MYBPC2: variants seen among roughly 807,000 people sequenced by gnomAD.
MYBPC2 encodes myosin-binding protein C, fast-type.
Under a neutral mutation model 137.0 loss-of-function variants are expected in MYBPC2, and 122 were observed. That is an observed-to-expected ratio of 0.89 (90% CI 0.77 to 1.03). The LOEUF (loss-of-function observed/expected upper bound fraction) is 1.03. Ranked by LOEUF, MYBPC2 falls within the 50% of genes least tolerant of loss-of-function variation. MYBPC2 has a pLI of 0.00. For missense variants in MYBPC2, 1,500 were observed against 1,534.4 expected (o/e 0.98, Z 0.37); for synonymous variants, 626 against 612.3 (o/e 1.02, Z -0.33).
intron 18 of MYBPC2, 74 bp from the exon 19 acceptor site, chr19:50,455,034 G>A: frequency 7.1e-7 from 1 of 1,402,212 alleles, no homozygotes; most frequent in Non-Finnish European, 9.6e-7. Context: ...TCTGGATGTG[G>A]CCCTCACTCC....
intron 5 of MYBPC2, among the ~76,000 whole-genome samples, chr19:50,436,997 C>A (rs561767314): frequency 6.6e-6 from 1 of 152,044 alleles, no homozygotes; most frequent in South Asian, 2.1e-4. Flanking sequence ...GCACATTCCA[C>A]GTTTAAGAAA....
chr19:50,456,292 TCATC>T (rs149201099), intron 20 of MYBPC2, among the ~76,000 whole-genome samples: 24,180 of 139,024 alleles, frequency 0.17, 2,505 homozygotes, highest in Non-Finnish European at 0.24. Context: ...CACCTGTCCA[TCATC>T]CATCCATCCA....
intron 26 of MYBPC2, 26 bp downstream of exon 26, chr19:50,462,062 CGT>C (rs1568670273): frequency 6.4e-7 from 1 of 1,560,784 alleles, no homozygotes; most frequent in East Asian, 2.4e-5. Context: ...CCCAGATCTG[CGT>C]GTGTGTTGCC....
In MYBPC2 at chr19:50,444,132, G is replaced by GTCCATTCA. The variant is rs1239759672; in HGVS notation, c.1133+321_1133+322insTCATCCAT. On this transcript the variant is annotated intron_variant, in intron 11 of 27. Transcript: ENST00000357701. ...ATCCAGGTATCCACTCATCCACCCA[G>GTCCATTCA]TCCATCCATCCATCCATCCATCCAT... 4.8e-5 allele frequency among the ~76,000 whole-genome samples: 7 copies of GTCCATTCA among 144,596 alleles called. No homozygotes were observed. The Admixed American group carries it at 4.9e-4, about 10-fold the overall frequency. The allele number at this position is 144,596 out of a possible 152,430, so 94.9% of individuals were successfully genotyped here.
chr19:50,458,857 T>C (rs1186100199), intron 21 of MYBPC2, 61 bp from the exon 22 acceptor site: 20 of 1,595,042 alleles, frequency 1.3e-5, no homozygotes, highest in Middle Eastern at 1.7e-4. Flanking sequence ...CTTATCACCA[T>C]TGGCCCCTGG....
chr19:50,461,789 T>A, intron 25 of MYBPC2, 88 bp downstream of exon 25: 1 of 1,588,714 alleles, frequency 6.3e-7, no homozygotes, highest in Non-Finnish European at 8.6e-7. Context: ...CCCTCCCCAC[T>A]GGGGTTGACG....
intron 20 of MYBPC2, 31 bp from the exon 21 acceptor site, chr19:50,458,556 C>G (rs764521561): frequency 1.2e-6 from 2 of 1,604,800 alleles, no homozygotes; most frequent in Non-Finnish European, 1.7e-6. Flanking sequence ...GAGGAGGGCA[C>G]GAGATCCGCC....
chr19:50,433,648 G>C (rs532823319), intron 1 of MYBPC2, among the ~76,000 whole-genome samples: 150 of 152,214 alleles, frequency 9.9e-4, no homozygotes, highest in African/African-American at 3.4e-3. Context: ...ACCCGCCTCA[G>C]CCTCCCAAAG....
At chr19:50,447,935 G>A (rs189677195) in intron 12 of MYBPC2, among the ~76,000 whole-genome samples, 43 of 152,140 alleles carry the variant, frequency 2.8e-4, no homozygotes, top group South Asian at 1.5e-3. Context: ...CACTGTGCCC[G>A]GCCACCTCAG....
At position 50,442,479 on chromosome 19, in the gene MYBPC2, C is replaced by G. The variant is rs565591786; in HGVS notation, c.902+166C>G. On this transcript the variant is annotated intron_variant, in intron 9 of 27. Coordinates refer to ENST00000357701, the MANE Select transcript of MYBPC2 (RefSeq NM_004533.4). ...CCTGTAATCCTAGCACTTTGGGAGG[C>G]CGAGGCGGGTGGATCACCTAAGGTC... 2.0e-4 allele frequency among the ~76,000 whole-genome samples: 30 copies of G among 152,244 alleles called. No individual in the cohort carries two copies. In the South Asian group the frequency reaches 6.0e-3, roughly 30 times the overall value.
At position 50,435,112 on chromosome 19, in the gene MYBPC2, A is replaced by G. The variant is rs200858117; in HGVS notation, c.20-49A>G. 1,063 of 749,732 alleles carry G rather than the reference A, an allele frequency of 1.4e-3. 20 individuals are homozygous for G. The African/African-American group carries it at 0.016, about 12-fold the overall frequency. 46.4% of individuals were successfully genotyped at this position (749,732 alleles called of 1,614,324 possible). A position where few individuals can be genotyped will look rare whatever the true frequency, so the allele number is the denominator to read the frequency against. On this transcript the variant is annotated intron_variant, in intron 1 of 27. Coordinates refer to ENST00000357701, the MANE Select transcript of MYBPC2 (RefSeq NM_004533.4). The surrounding 1 kb of genome is among the most constrained non-coding windows in gnomAD (Gnocchi z 4.8). ...GGACTCCTGCGTCTGAGGGAGGGGC[A>G]TGGGTGTGCAGACCGCATGCTCAAC...
At position 50,466,212 on chromosome 19, in the gene MYBPC2, TC is replaced by T; in HGVS notation, c.*11del. On this transcript the variant is annotated 3_prime_UTR_variant, in exon 28 of 28. Coordinates refer to ENST00000357701, the MANE Select transcript of MYBPC2 (RefSeq NM_004533.4). This position sits in a 1 kb window ranked among gnomAD's most constrained non-coding sequence, Gnocchi z 4.9. ...TCCTGCAGTGCCGCAGTGAGACCTGTCCCCTACCTGCCAAGACAATTGGTGG... is the reference window on the plus strand; with the variant it reads ...TCCTGCAGTGCCGCAGTGAGACCTGTCCCTACCTGCCAAGACAATTGGTGG... 1.9e-6 allele frequency: 3 copies of T among 1,613,844 alleles called. No homozygotes were observed. The highest frequency in any genetic ancestry group is 2.5e-6 in the Non-Finnish European group (3 of 1,179,834).
rs116548119 is a variant in MYBPC2 at position 50,435,219 on chromosome 19, C to T, written c.78C>T (p.Pro26=). 3,861 of 1,302,630 alleles carry T rather than the reference C, an allele frequency of 3.0e-3. 94 individuals carry two copies. The African/African-American group carries it at 0.047, about 16-fold the overall frequency. 80.7% of individuals were successfully genotyped at this position (1,302,630 alleles called of 1,614,324 possible). A position where few individuals can be genotyped will look rare whatever the true frequency, so the allele number is the denominator to read the frequency against. The stretch of plus-strand genomic sequence containing the variant: ...CCAAAGGAGCCCCCAAGGAGGCTCC[C>T]CCTAAGGAGGCTCCTGCAGAGGCCC... The part of the protein sequence containing the change: ...DAPKGAPKEA[P]PKEAPAEAPK... Residue 26 remains proline (P), a synonymous_variant, in exon 2 of 28, where the codon CCC becomes CCT. Coordinates refer to ENST00000357701, the MANE Select transcript of MYBPC2 (RefSeq NM_004533.4). The surrounding 1 kb of genome is among the most constrained non-coding windows in gnomAD (Gnocchi z 4.8).
chr19:50,449,595 C>G (rs572494533), intron 13 of MYBPC2, among the ~76,000 whole-genome samples: 13 of 152,222 alleles, frequency 8.5e-5, no homozygotes, highest in Admixed American at 3.3e-4. Flanking sequence ...AGTCGCATTT[C>G]AAGGGCATGG....
intron 7 of MYBPC2, among the ~76,000 whole-genome samples, chr19:50,438,440 T>C (rs565318115): frequency 2.0e-4 from 31 of 151,828 alleles, no homozygotes; most frequent in Admixed American, 9.8e-4. Context: ...ATGGGGTGGG[T>C]GGACGATGAA....
At position 50,455,568 on chromosome 19, in the gene MYBPC2, A is replaced by T; in HGVS notation, c.2262A>T (p.Thr754=). Residue 754 remains threonine (T), a synonymous_variant, in exon 20 of 28, where the codon ACA becomes ACT. Coordinates refer to ENST00000357701, the MANE Select transcript of MYBPC2 (RefSeq NM_004533.4). The part of the protein sequence containing the change: ...IVEDVTDTTT[T]LKWRPPNRIG... Reference sequence around the variant, plus strand: ...AGGATGTGACAGACACCACCACCACACTCAAGTGGAGGCCTCCGAACAGGA... The same window carrying T: ...AGGATGTGACAGACACCACCACCACTCTCAAGTGGAGGCCTCCGAACAGGA... The T allele has an allele frequency of 6.2e-7, 1 of 1,613,760 alleles. No homozygotes were observed. Among genetic ancestry groups the T allele is most frequent in the Non-Finnish European group, 8.5e-7 (1 of 1,179,832 alleles).
intron 12 of MYBPC2, 131 bp from the exon 13 acceptor site, chr19:50,448,094 G>A (rs1189267343): frequency 9.0e-7 from 1 of 1,106,020 alleles, no homozygotes; most frequent in Admixed American, 3.2e-5. Context: ...GAGGCCAACG[G>A]GTTGTTTCTG....
intron 20 of MYBPC2, among the ~76,000 whole-genome samples, chr19:50,456,520 T>C (rs2039916263): frequency 1.3e-5 from 2 of 149,990 alleles, no homozygotes; most frequent in Admixed American, 6.7e-5. Context: ...AAGCTCCACC[T>C]TCCAGGTTCA....
At chr19:50,450,401 G>A (rs146493662) in intron 13 of MYBPC2, among the ~76,000 whole-genome samples, 32 of 152,108 alleles carry the variant, frequency 2.1e-4, no homozygotes, top group East Asian at 1.5e-3. Flanking sequence ...GATTACAGGC[G>A]TGAGCCACCA....
Sources: allele counts gnomAD v4.1 joint callset (sites outside exome capture counted in the v4.1 genomes callset), GRCh38; gene constraint gnomAD v4.1.1; non-coding constraint Gnocchi (gnomAD v3.1); transcripts MANE v1.5; gene names NCBI Gene and HGNC (gene_info 2026-07-23, HGNC 2026-07-21).